SLC43A1: variants seen among roughly 807,000 people sequenced by gnomAD.
SLC43A1 encodes the protein solute carrier family 43 member 1.
A neutral mutation model predicts 59.5 loss-of-function variants in SLC43A1; 31 were observed. The observed-to-expected ratio is 0.52, with a 90% confidence interval of 0.39 to 0.70. SLC43A1 has a LOEUF of 0.70. Among genes scored for constraint, SLC43A1 ranks in the 30% least tolerant of loss-of-function variants. SLC43A1 has a pLI of 0.00. For missense variants in SLC43A1, 598 were observed against 717.8 expected, an observed-to-expected ratio of 0.83 and a Z score of 1.91; for synonymous variants, 259 against 290.9, an observed-to-expected ratio of 0.89 and a Z score of 1.12.
At chr11:57,497,224 T>A (rs1308859559) in intron 6 of SLC43A1, among the ~76,000 whole-genome samples, 1 of 152,054 alleles carries the variant, frequency 6.6e-6, no homozygotes, top group East Asian at 1.9e-4. Flanking sequence ...TCCTTTGATA[T>A]TTGACAGAGG....
intron 9 of SLC43A1, 44 bp downstream of exon 9, chr11:57,491,672 C>A (rs1424639517): frequency 1.9e-6 from 3 of 1,614,084 alleles, no homozygotes; most frequent in African/African-American, 2.7e-5. Flanking sequence ...GCCAGGGTGA[C>A]CCGCCTGTGC....
chr11:57,515,113 CA>C lies in SLC43A1; in HGVS notation c.-14+330del. 1.0e-6 allele frequency: 1 copy of C among 977,284 alleles called. No homozygotes were observed. The allele number at this position is 977,284 out of a possible 1,614,324, so 60.5% of individuals were successfully genotyped here. A position where few individuals can be genotyped will look rare whatever the true frequency, so the allele number is the denominator to read the frequency against. On this transcript the variant is annotated intron_variant, in intron 1 of 14. Coordinates refer to ENST00000278426, the MANE Select transcript of SLC43A1 (RefSeq NM_003627.6). The surrounding 1 kb of genome is among the most constrained non-coding windows in gnomAD (Gnocchi z 5.3). ...GGGAGGAAGTACCAGTCACTTCTTC[CA>C]GGGGGACTCGGTATTCTCATCTGTG...
At chr11:57,501,720 C>T (rs1944271635) in intron 2 of SLC43A1, among the ~76,000 whole-genome samples, 2 of 152,170 alleles carry the variant, frequency 1.3e-5, no homozygotes. Context: ...ATTAAAATGG[C>T]CCGGCGTGGT....
intron 2 of SLC43A1, among the ~76,000 whole-genome samples, chr11:57,513,407 A>G (rs1164897062): frequency 6.6e-6 from 1 of 152,200 alleles, no homozygotes; most frequent in East Asian, 1.9e-4. Flanking sequence ...ACTGCTCCCA[A>G]AGAGTGTTAG....
rs75472472 is a variant in SLC43A1 at position 57,506,728 on chromosome 11, C to T, written c.155-5399G>A. On this transcript the variant is annotated intron_variant, in intron 2 of 14. Transcript: ENST00000278426. The stretch of plus-strand genomic sequence containing the variant: ...GCCCTTTACTAGCTGTGTGACCTTG[C>T]ACAAGTTACTTAGCATCTCTGAGCT... Among the ~76,000 whole-genome samples, 181 of 152,272 alleles carry T rather than the reference C, an allele frequency of 1.2e-3. 1 individual carries two copies. The highest frequency in any genetic ancestry group is 4.2e-3 in the African/African-American group (176 of 41,554).
intron 2 of SLC43A1, among the ~76,000 whole-genome samples, chr11:57,505,561 T>C (rs949290427): frequency 6.6e-6 from 1 of 152,102 alleles, no homozygotes; most frequent in Non-Finnish European, 1.5e-5. Context: ...TACACGTATA[T>C]ACGTACATAT....
At chr11:57,503,361 G>A (rs1182075396) in intron 2 of SLC43A1, among the ~76,000 whole-genome samples, 1 of 143,898 alleles carries the variant, frequency 6.9e-6, no homozygotes, top group African/African-American at 2.6e-5. Flanking sequence ...GTGCAGTGGT[G>A]CAATTATAGC....
At chr11:57,503,802 C>T (rs1466059732) in intron 2 of SLC43A1, among the ~76,000 whole-genome samples, 1 of 152,156 alleles carries the variant, frequency 6.6e-6, no homozygotes, top group Non-Finnish European at 1.5e-5. Context: ...GCTCTGCTGG[C>T]AATGTTGACC....
In SLC43A1 at chr11:57,487,129, G is replaced by A. The variant is rs781634407; in HGVS notation, c.1499C>T (p.Ala500Val). The change falls in exon 14 of 15, where the codon GCG (alanine) becomes GTG (valine). Residue 500 changes from alanine (A) to valine (V), a missense_variant. By Grantham distance (64) the Ala-to-Val change is moderately conservative. Coordinates refer to ENST00000278426, the MANE Select transcript of SLC43A1 (RefSeq NM_003627.6). ...FALLQQPLFM[A>V]MVGPLKGEPF... ...CTCTCCTTTCAGGGGTCCCACCATC[G>A]CCATGAAAAGTGGCTGCTGAAGCAA... 33 of 1,613,812 alleles carry A rather than the reference G, an allele frequency of 2.0e-5. No individual in the cohort carries two copies. Among genetic ancestry groups the A allele is most frequent in the Non-Finnish European group, 2.8e-5 (33 of 1,179,976 alleles).
intron 8 of SLC43A1, among the ~76,000 whole-genome samples, chr11:57,492,451 T>C (rs1216640567): frequency 7.6e-6 from 1 of 130,742 alleles, no homozygotes; most frequent in African/African-American, 2.9e-5. Context: ...ATATAAAATA[T>C]AATATAAATA....
intron 6 of SLC43A1, 109 bp from the exon 7 acceptor site, chr11:57,496,273 C>T: frequency 7.8e-7 from 1 of 1,287,282 alleles, no homozygotes; most frequent in Non-Finnish European, 1.1e-6. Context: ...TCCCCTTGTC[C>T]TTGTGCCCAA....
chr11:57,499,835 C>G (rs1944204933), intron 5 of SLC43A1, among the ~76,000 whole-genome samples: 1 of 152,012 alleles, frequency 6.6e-6, no homozygotes. Flanking sequence ...GGTCTGAGGT[C>G]AAGCGCCGGA....
intron 8 of SLC43A1, among the ~76,000 whole-genome samples, 157 bp downstream of exon 8, chr11:57,493,836 G>A (rs1417111982): frequency 6.6e-6 from 1 of 152,212 alleles, no homozygotes; most frequent in African/African-American, 2.4e-5. Flanking sequence ...GAGCTTTGAT[G>A]TGCCCATCTG....
At chr11:57,498,052 C>T (rs1161665073) in intron 5 of SLC43A1, among the ~76,000 whole-genome samples, 1 of 152,190 alleles carries the variant, frequency 6.6e-6, no homozygotes, top group East Asian at 1.9e-4. Context: ...CCCAGACACC[C>T]CTCAGAGAGA....
At chr11:57,510,028 T>G (rs1348685437) in intron 2 of SLC43A1, among the ~76,000 whole-genome samples, 1 of 152,114 alleles carries the variant, frequency 6.6e-6, no homozygotes, top group Non-Finnish European at 1.5e-5. Context: ...GCAAAGGACC[T>G]GAATAGACCT....
intron 13 of SLC43A1, 131 bp downstream of exon 13, chr11:57,488,785 G>T: frequency 1.3e-6 from 1 of 778,330 alleles, no homozygotes; most frequent in Non-Finnish European, 2.3e-6. Context: ...TTAAGGAAGT[G>T]AGCTCCCTGC....
In SLC43A1 at chr11:57,501,186, G is replaced by C; in HGVS notation, c.298C>G (p.Arg100Gly). ...TTLPLGILMD[R>G]FGPRPVRLVG... Reference sequence around the variant, plus strand: ...AGCCGCACGGGTCGGGGGCCAAAGCGGTCCATGAGGATCCCCAGTGGCAGG... The same window carrying C: ...AGCCGCACGGGTCGGGGGCCAAAGCCGTCCATGAGGATCCCCAGTGGCAGG... Residue 100 changes from arginine to glycine, a missense_variant, in exon 3 of 15, where the codon CGC (arginine) becomes GGC (glycine). Transcript: ENST00000278426. 1 of 1,612,376 alleles carries C rather than the reference G, an allele frequency of 6.2e-7. No individual in the cohort carries two copies. Among genetic ancestry groups the C allele is most frequent in the Non-Finnish European group, 8.5e-7 (1 of 1,180,018 alleles).
chr11:57,504,033 A>T (rs1472180473), intron 2 of SLC43A1, among the ~76,000 whole-genome samples: 3 of 151,506 alleles, frequency 2.0e-5, no homozygotes, highest in African/African-American at 7.3e-5. Flanking sequence ...CTCTACTAAA[A>T]ATACAAAAAA....
chr11:57,489,807 G>A (rs1943848650), intron 11 of SLC43A1, among the ~76,000 whole-genome samples: 1 of 152,248 alleles, frequency 6.6e-6, no homozygotes, highest in Non-Finnish European at 1.5e-5. Flanking sequence ...AAGTCCTCAG[G>A]AAGGTGTCCC....
Sources: allele counts gnomAD v4.1 joint callset (sites outside exome capture counted in the v4.1 genomes callset), GRCh38; gene constraint gnomAD v4.1.1; non-coding constraint Gnocchi (gnomAD v3.1); transcripts MANE v1.5; gene names NCBI Gene and HGNC (gene_info 2026-07-23, HGNC 2026-07-21).